DNAH2: variants seen among roughly 807,000 people sequenced by gnomAD.
DNAH2 encodes the protein dynein axonemal heavy chain 2.
A neutral mutation model predicts 523.5 loss-of-function variants in DNAH2; 323 were observed. That is an observed-to-expected ratio of 0.62 (90% confidence interval 0.56 to 0.68). The LOEUF (loss-of-function observed/expected upper bound fraction) is 0.68, where lower values mean the gene tolerates loss of function less well. Among genes scored for constraint, DNAH2 ranks in the 30% least tolerant of loss-of-function variants. The pLI is 0.00. For missense variants in DNAH2, 4,907 were observed against 5,701.5 expected (o/e 0.86, Z 4.49); for synonymous variants, 2,093 against 2,177.4 (o/e 0.96, Z 1.08).
In DNAH2 at chr17:7,740,429, C is replaced by G; in HGVS notation, c.1386C>G (p.Ala462=). The G allele has an allele frequency of 6.2e-7, 1 of 1,614,138 alleles. No individual in the cohort carries two copies. The highest frequency in any genetic ancestry group is 8.5e-7 in the Non-Finnish European group (1 of 1,180,000). ...CTCTCCACCGGTGCAGGTTCCGTGC[C>G]GGAATCAAGGACCTGGAGGTGATGA... ...CWHEDYNKFR[A]GIKDLEVMTQ... The change falls in exon 10 of 86, where the codon GCC becomes GCG. Residue 462 remains alanine (A), a synonymous_variant. Transcript: ENST00000572933.
intron 12 of DNAH2, chr17:7,743,661 C>A: frequency 2.1e-4 from 64 of 306,142 alleles, no homozygotes; most frequent in East Asian, 4.1e-4. Context: ...GTGACCCTGC[C>A]TCAAAAACAA....
intron 56 of DNAH2, among the ~76,000 whole-genome samples, chr17:7,800,121 G>A (rs1214798721): frequency 2.0e-5 from 3 of 152,150 alleles, no homozygotes; most frequent in Admixed American, 6.5e-5. Context: ...CTGTGATCTC[G>A]ACTCACTGCA....
rs115893312 is a variant in DNAH2 at position 7,819,539 on chromosome 17, T to C, written c.11015+131T>C. 7 of 891,124 alleles carry C rather than the reference T, an allele frequency of 7.9e-6. No individual in the cohort carries two copies. In the African/African-American group the frequency reaches 9.9e-5, roughly 13 times the overall value. 55.2% of individuals were successfully genotyped at this position (891,124 alleles called of 1,614,324 possible). ...CTGTCCTTGGCATATGTCCTCCTGG[T>C]AGCTCCTCACTCTCATGGCTTAACC... On this transcript the variant is annotated intron_variant, in intron 72 of 85. Coordinates refer to ENST00000572933, the MANE Select transcript of DNAH2 (RefSeq NM_020877.5).
Position 7,819,270 on chromosome 17 carries a change from G to C in DNAH2, c.10877G>C (p.Cys3626Ser), listed in dbSNP as rs1316273208. ...ILFFVLNDMG[C>S]IDPMYQFSLD... ...TTCTTCGTGCTCAATGATATGGGCT[G>C]CATCGACCCCATGTACCAGTTCTCA... The change falls in exon 72 of 86, where the codon TGC becomes TCC. Residue 3626 changes from cysteine (C) to serine (S), a missense_variant. By Grantham distance (112) the Cys-to-Ser change is moderately radical. Around this residue, in one of 3 missense-constraint regions of DNAH2, gnomAD observed 1,851 missense variants for 2,139.4 expected, o/e 0.87. Coordinates refer to ENST00000572933, the MANE Select transcript of DNAH2 (RefSeq NM_020877.5). The C allele has an allele frequency of 6.2e-7, 1 of 1,614,030 alleles. No individual in the cohort carries two copies. Among genetic ancestry groups the C allele is most frequent in the Non-Finnish European group, 8.5e-7 (1 of 1,180,044 alleles).
rs1555546382 is a variant in DNAH2 at position 7,758,363 on chromosome 17, A to ACTAGTCTAGATT, written c.2052-122_2052-121insTTCTAGTCTAGA. On this transcript the variant is annotated intron_variant, in intron 13 of 85. Transcript: ENST00000572933. ...CATTGCAAAAAGTTCTTTTGGAAGT[A>ACTAGTCTAGATT]CTAGTCTAGAATCTAGTCTAGAATC... 6 of 1,160,952 alleles carry ACTAGTCTAGATT rather than the reference A, an allele frequency of 5.2e-6. No homozygotes were observed. In the African/African-American group the frequency reaches 9.5e-5, roughly 18 times the overall value. The allele number at this position is 1,160,952 out of a possible 1,614,324, so 71.9% of individuals were successfully genotyped here.
chr17:7,768,168 G>A lies in DNAH2; in HGVS notation c.3842G>A (p.Arg1281Gln), dbSNP rs530030510. 18 of 1,614,202 alleles carry A rather than the reference G, an allele frequency of 1.1e-5. No homozygotes were observed. Among genetic ancestry groups the A allele is most frequent in the South Asian group, 2.2e-5 (2 of 91,082 alleles). ...LTKLAKEYKD[R>Q]NWEIIETTRS... ...ATGCCCCCAACTTTTGCTCAGGACC[G>A]AAACTGGGAAATTATTGAAACCACT... is the stretch of plus-strand genomic sequence containing the variant. Residue 1281 changes from arginine to glutamine, a missense_variant, in exon 24 of 86, where the codon CGA becomes CAA. Arg to Gln is a conservative substitution (Grantham distance 43). This residue lies in a region of DNAH2 where 2,806 missense variants were observed against 3,190.8 expected (regional missense o/e 0.88). Coordinates refer to ENST00000572933, the MANE Select transcript of DNAH2 (RefSeq NM_020877.5).
At position 7,796,499 on chromosome 17, in the gene DNAH2, C is replaced by G; in HGVS notation, c.7710C>G (p.Ile2570Met). 1.2e-6 allele frequency: 2 copies of G among 1,613,860 alleles called. No individual in the cohort carries two copies. Among genetic ancestry groups the G allele is most frequent in the Non-Finnish European group, 1.7e-6 (2 of 1,179,992 alleles). ...TCATCCGCATATTCGGCACCATGAT[C>G]AATCAGAAGCTTCAGGACTTTGAGG... is the stretch of plus-strand genomic sequence containing the variant. ...SQIIRIFGTM[I>M]NQKLQDFEEE... Residue 2570 changes from isoleucine to methionine, a missense_variant, in exon 50 of 86, where the codon ATC (isoleucine) becomes ATG (methionine). Around this residue, in one of 3 missense-constraint regions of DNAH2, gnomAD observed 250 missense variants for 371.3 expected, o/e 0.67. Coordinates refer to ENST00000572933, the MANE Select transcript of DNAH2 (RefSeq NM_020877.5).
chr17:7,757,091 G>T lies in DNAH2; in HGVS notation c.1905G>T (p.Lys635Asn). 6.2e-7 allele frequency: 1 copy of T among 1,614,072 alleles called. No individual in the cohort carries two copies. The highest frequency in any genetic ancestry group is 8.5e-7 in the Non-Finnish European group (1 of 1,179,984). Residue 635 changes from lysine (K) to asparagine (N), a missense_variant and splice_region_variant, in exon 13 of 86, where the codon AAG becomes AAT. Lys to Asn is a moderately conservative substitution (Grantham distance 94). Coordinates refer to ENST00000572933, the MANE Select transcript of DNAH2 (RefSeq NM_020877.5). ...ACTGCCTGGCTGCTCTCTCTCAAAG[G>T]TCCCTTCTGATTCTCTTTGCGGAAA... ...KAGMLDVNFDKSLLILFAEID... is the reference protein window; with the variant it reads ...KAGMLDVNFDNSLLILFAEID...
chr17:7,780,644 G>A lies in DNAH2; in HGVS notation c.5865G>A (p.Lys1955=), dbSNP rs2076578131. 6.2e-7 allele frequency: 1 copy of A among 1,614,112 alleles called. No individual in the cohort carries two copies. Residue 1955 remains lysine, a synonymous_variant, in exon 38 of 86, where the codon AAG becomes AAA. Transcript: ENST00000572933. This position sits in a 1 kb window ranked among gnomAD's most constrained non-coding sequence, Gnocchi z 4.4. ...TGGTTCCCCAGATTCTGGCCAAGAA[G>A]GTGTACACACTCTACTCACTGGCTG... ...GFGNCKILAK[K]VYTLYSLAVQ... is the part of the protein sequence containing the mutation.
rs760944568 is a variant in DNAH2 at position 7,780,621 on chromosome 17, G to A, written c.5851-9G>A. On this transcript the variant is annotated splice_polypyrimidine_tract_variant and intron_variant, in intron 37 of 85. Transcript: ENST00000572933. This position sits in a 1 kb window ranked among gnomAD's most constrained non-coding sequence, Gnocchi z 4.4. Reference sequence around the variant, plus strand: ...ATGGACTGTTTCCTCCTCTGTTTTGGTTCCCCAGATTCTGGCCAAGAAGGT... The same window carrying A: ...ATGGACTGTTTCCTCCTCTGTTTTGATTCCCCAGATTCTGGCCAAGAAGGT... The A allele has an allele frequency of 6.2e-7, 1 of 1,613,480 alleles. No homozygotes were observed. Among genetic ancestry groups the A allele is most frequent in the Non-Finnish European group, 8.5e-7 (1 of 1,179,800 alleles).
chr17:7,747,841 CA>C (rs1402033977), intron 12 of DNAH2, among the ~76,000 whole-genome samples: 9 of 152,138 alleles, frequency 5.9e-5, no homozygotes, highest in African/African-American at 2.2e-4. Context: ...AGGGAAAGAA[CA>C]CGATCACAGT....
At chr17:7,804,644 G>A (rs995263045) in intron 59 of DNAH2, among the ~76,000 whole-genome samples, 178 bp downstream of exon 59, 1 of 152,078 alleles carries the variant, frequency 6.6e-6, no homozygotes, top group Non-Finnish European at 1.5e-5. Context: ...TCAGGAGTTC[G>A]AGACCAACTT....
At position 7,786,829 on chromosome 17, in the gene DNAH2, G is replaced by A. The variant is rs1438859251; in HGVS notation, c.6467-68G>A. On this transcript the variant is annotated intron_variant, in intron 41 of 85. Transcript: ENST00000572933. The surrounding 1 kb of genome is among the most constrained non-coding windows in gnomAD (Gnocchi z 7.5). ...CAAGGGAGTGTAGGCTTGTGTCTCCGAGGAGCGTGAGCGGAGGGTGCAAGG... is the reference window on the plus strand; with the variant it reads ...CAAGGGAGTGTAGGCTTGTGTCTCCAAGGAGCGTGAGCGGAGGGTGCAAGG... The A allele has an allele frequency of 8.7e-6, 14 of 1,609,490 alleles. No homozygotes were observed. The highest frequency in any genetic ancestry group is 5.0e-5 in the Admixed American group (3 of 59,878).
At chr17:7,762,745 C>A (rs1567656778) in intron 18 of DNAH2, among the ~76,000 whole-genome samples, 1 of 152,080 alleles carries the variant, frequency 6.6e-6, no homozygotes, top group South Asian at 2.1e-4. Flanking sequence ...CACGTTCACC[C>A]CACAGAGTGA....
chr17:7,790,178 G>A (rs764785353), intron 44 of DNAH2, among the ~76,000 whole-genome samples: 1 of 152,212 alleles, frequency 6.6e-6, no homozygotes, highest in African/African-American at 2.4e-5. Context: ...TGGGCAGGGG[G>A]TTGAGAGCAT....
chr17:7,817,234 A>G, intron 64 of DNAH2, 56 bp from the exon 65 acceptor site: 1 of 1,559,600 alleles, frequency 6.4e-7, no homozygotes, highest in South Asian at 1.2e-5. Flanking sequence ...AAGCATTCCA[A>G]GTGTCTCCCA....
At chr17:7,726,969 C>T (rs891378252) in intron 3 of DNAH2, among the ~76,000 whole-genome samples, 153 bp from the exon 4 acceptor site, 43 of 152,252 alleles carry the variant, frequency 2.8e-4, no homozygotes, top group African/African-American at 9.9e-4. Flanking sequence ...TCTGTTTCTT[C>T]CAAAGCTGGA....
Position 7,759,094 on chromosome 17 carries a change from C to G in DNAH2, c.2418C>G (p.Ser806=). The G allele has an allele frequency of 1.2e-6, 2 of 1,614,188 alleles. No individual in the cohort carries two copies. Among genetic ancestry groups the G allele is most frequent in the Non-Finnish European group, 1.7e-6 (2 of 1,180,036 alleles). Residue 806 remains serine (S), a synonymous_variant, in exon 15 of 86, where the codon TCC becomes TCG. Coordinates refer to ENST00000572933, the MANE Select transcript of DNAH2 (RefSeq NM_020877.5). ...HQDVVTIMTN[S]YEVFKNDGPE... ...ATGTGGTGACCATCATGACCAACTC[C>G]TATGAGGTCTTCAAGAATGATGGTC...
chr17:7,786,956 G>A lies in DNAH2; in HGVS notation c.6526G>A (p.Glu2176Lys), dbSNP rs1332214667. The change falls in exon 42 of 86, where the codon GAG (glutamate) becomes AAG (lysine). Residue 2176 changes from glutamate to lysine, a missense_variant. Glu to Lys is a moderately conservative substitution (Grantham distance 56). This residue lies in a region of DNAH2 where 2,806 missense variants were observed against 3,190.8 expected (regional missense o/e 0.88). Transcript: ENST00000572933. The surrounding 1 kb of genome is among the most constrained non-coding windows in gnomAD (Gnocchi z 7.5). ...FDGPVDTLWIENMNSVMDDNK... is the reference protein window; with the variant it reads ...FDGPVDTLWIKNMNSVMDDNK... Reference sequence around the variant, plus strand: ...TGGCCCCGTGGACACACTGTGGATCGAGAACATGAACTCCGTCATGGACGA... The same window carrying A: ...TGGCCCCGTGGACACACTGTGGATCAAGAACATGAACTCCGTCATGGACGA... 7 of 1,614,228 alleles carry A rather than the reference G, an allele frequency of 4.3e-6. No homozygotes were observed. The highest frequency in any genetic ancestry group is 2.2e-5 in the East Asian group (1 of 44,878).
Sources: allele counts gnomAD v4.1 joint callset (sites outside exome capture counted in the v4.1 genomes callset), GRCh38; gene constraint gnomAD v4.1.1; regional missense constraint gnomAD v4.1.1; non-coding constraint Gnocchi (gnomAD v3.1); transcripts MANE v1.5; gene names NCBI Gene and HGNC (gene_info 2026-07-23, HGNC 2026-07-21).